RERE: variants seen among roughly 807,000 people sequenced by gnomAD.
The protein encoded by RERE is arginine-glutamic acid dipeptide repeats.
A neutral mutation model predicts 146.1 loss-of-function variants in RERE; 40 were observed. The observed-to-expected ratio is 0.27, with a 90% CI of 0.21 to 0.36. RERE has a LOEUF of 0.36. RERE is among the 10% of genes least tolerant of loss of function. The pLI, the probability that RERE is intolerant of heterozygous loss-of-function variation, is 1.00. For missense variants in RERE, 1,933 were observed against 2,138.7 expected, an observed-to-expected ratio of 0.90 and a Z score of 1.90; for synonymous variants, 1,003 against 866.0, an observed-to-expected ratio of 1.16 and a Z score of -2.78.
At chr1:8,409,417 C>T (rs930349497) in intron 12 of RERE, among the ~76,000 whole-genome samples, 1 of 152,188 alleles carries the variant, frequency 6.6e-6, no homozygotes, top group African/African-American at 2.4e-5. Flanking sequence ...ACACTTCTGT[C>T]GGGACACAGT....
intron 1 of RERE, among the ~76,000 whole-genome samples, chr1:8,671,556 G>T (rs188753998): frequency 6.6e-6 from 1 of 152,086 alleles, no homozygotes; most frequent in Admixed American, 6.5e-5. Flanking sequence ...GGTCCTTCTG[G>T]GCTAACGAAT....
intron 1 of RERE, among the ~76,000 whole-genome samples, chr1:8,763,267 G>GT (rs1640788038): frequency 6.6e-6 from 1 of 151,986 alleles, no homozygotes; most frequent in African/African-American, 2.4e-5. Flanking sequence ...AAAAAAATAA[G>GT]TAAGAGGTAC....
chr1:8,798,592 T>C (rs1181624673), intron 1 of RERE: 1 of 220,642 alleles, frequency 4.5e-6, no homozygotes, highest in Admixed American at 4.1e-5. Flanking sequence ...CAGATCGCCC[T>C]TACAGCCATG....
intron 1 of RERE, among the ~76,000 whole-genome samples, chr1:8,702,417 A>C (rs1175101976): frequency 6.6e-6 from 1 of 152,250 alleles, no homozygotes; most frequent in Non-Finnish European, 1.5e-5. Flanking sequence ...TCAGAAAACA[A>C]GAGTTGAGTA....
chr1:8,568,883 T>C (rs746105438), intron 4 of RERE, among the ~76,000 whole-genome samples: 25 of 152,282 alleles, frequency 1.6e-4, no homozygotes, highest in Non-Finnish European at 3.1e-4. Flanking sequence ...AGCCAGCCAA[T>C]TGGTTCTGTC....
intron 11 of RERE, among the ~76,000 whole-genome samples, chr1:8,448,957 GA>G (rs1644358325): frequency 6.6e-6 from 1 of 152,082 alleles, no homozygotes; most frequent in East Asian, 1.9e-4. Context: ...ACTCACACAG[GA>G]AACCTCACGC....
intron 12 of RERE, among the ~76,000 whole-genome samples, chr1:8,373,207 C>A (rs1353661497): frequency 6.6e-6 from 1 of 152,062 alleles, no homozygotes; most frequent in Non-Finnish European, 1.5e-5. Flanking sequence ...TTATCTGTTC[C>A]TATGGCTAAA....
chr1:8,473,022 C>A (rs1032622507), intron 10 of RERE, among the ~76,000 whole-genome samples: 1 of 152,188 alleles, frequency 6.6e-6, no homozygotes, highest in African/African-American at 2.4e-5. Context: ...AATCTGATAA[C>A]AAAACACTGA....
At chr1:8,415,203 T>C (rs984635041) in intron 12 of RERE, among the ~76,000 whole-genome samples, 1 of 152,186 alleles carries the variant, frequency 6.6e-6, no homozygotes, top group African/African-American at 2.4e-5. Context: ...GATAAATCCA[T>C]TGACTGTTAA....
At chr1:8,457,938 G>A (rs1038426999) in intron 11 of RERE, among the ~76,000 whole-genome samples, 1 of 152,128 alleles carries the variant, frequency 6.6e-6, no homozygotes, top group Non-Finnish European at 1.5e-5. Context: ...AGTATGCCAG[G>A]AGAGAGGAGG....
intron 11 of RERE, among the ~76,000 whole-genome samples, chr1:8,435,286 G>A (rs1644154327): frequency 6.6e-6 from 1 of 152,156 alleles, no homozygotes; most frequent in Admixed American, 6.5e-5. Flanking sequence ...TATGAGGAAA[G>A]GGCCTTTGTT....
chr1:8,417,009 A>G (rs975639121), intron 12 of RERE, among the ~76,000 whole-genome samples: 1 of 152,236 alleles, frequency 6.6e-6, no homozygotes, highest in African/African-American at 2.4e-5. Context: ...TTAAAAACAG[A>G]GATCTTCTAA....
chr1:8,653,005 C>T (rs887096449), intron 2 of RERE, among the ~76,000 whole-genome samples: 1 of 152,162 alleles, frequency 6.6e-6, no homozygotes, highest in Admixed American at 6.5e-5. Flanking sequence ...AGATCCAAGA[C>T]TGTTTGTGGT....
chr1:8,376,236 T>G (rs946731857), intron 12 of RERE, among the ~76,000 whole-genome samples: 1 of 152,188 alleles, frequency 6.6e-6, no homozygotes, highest in South Asian at 2.1e-4. Context: ...TTCAACGCAA[T>G]AGCATCTTAA....
At chr1:8,363,898 G>C (rs761371507) in intron 15 of RERE, 158 bp downstream of exon 15, 30 of 674,100 alleles carry the variant, frequency 4.5e-5, no homozygotes, top group Non-Finnish European at 2.5e-6. Context: ...ACTCTTCCCA[G>C]CCCACAGGCA....
intron 12 of RERE, among the ~76,000 whole-genome samples, chr1:8,388,262 A>G (rs115200101): frequency 7.6e-4 from 116 of 152,302 alleles, no homozygotes; most frequent in African/African-American, 2.7e-3. Context: ...TCTAGTGGTT[A>G]TCTTTGCGTG....
chr1:8,385,968 TAAAAAAAAA>T (rs34493389), intron 12 of RERE, among the ~76,000 whole-genome samples: 3 of 9,484 alleles, frequency 3.2e-4, no homozygotes, highest in African/African-American at 9.6e-4. Flanking sequence ...GACTCCGTCT[TAAAAAAAAA>T]AAAAAAAAAA....
intron 4 of RERE, among the ~76,000 whole-genome samples, chr1:8,563,918 T>C (rs1646107565): frequency 6.6e-6 from 1 of 152,216 alleles, no homozygotes; most frequent in Admixed American, 6.5e-5. Context: ...CAGAAATGTA[T>C]ACATAAAACT....
intron 10 of RERE, among the ~76,000 whole-genome samples, chr1:8,485,607 T>C (rs879824074): frequency 1.3e-5 from 2 of 152,002 alleles, no homozygotes; most frequent in African/African-American, 2.4e-5. Context: ...TGTATTAACA[T>C]TAGACAAAAC....
Sources: gnomAD v4.1 joint callset for allele counts (sites outside exome capture counted in the v4.1 genomes callset) on GRCh38, gnomAD v4.1.1 for gene constraint, MANE v1.5 for transcripts, NCBI Gene and HGNC (gene_info 2026-07-23, HGNC 2026-07-21) for gene names.